Variants in FHIT observed in about 807,000 individuals in gnomAD.
The protein encoded by FHIT is fragile histidine triad diadenosine triphosphatase, also known as bis(5'-adenosyl)-triphosphatase.
Under a neutral mutation model 17.9 loss-of-function variants are expected in FHIT, and 19 were observed. The observed-to-expected ratio is 1.06, with a 90% CI of 0.74 to 1.56. The LOEUF (loss-of-function observed/expected upper bound fraction) is 1.56, where lower values mean the gene tolerates loss of function less well. Ranked by LOEUF, FHIT falls within the 40% of genes most tolerant of loss-of-function variation. The pLI is 0.00. For missense variants in FHIT, 248 were observed against 189.2 expected (o/e 1.31, Z -1.82); for synonymous variants, 81 against 69.7 (o/e 1.16, Z -0.81).
chr3:61,243,928 T>C (rs2040429125), intron 1 of FHIT: 1 of 152,210 alleles, frequency 6.6e-6, no homozygotes, highest in South Asian at 2.1e-4. Flanking sequence ...TGATGACGCT[T>C]TTCTTTCATT....
intron 2 of FHIT, among the ~76,000 whole-genome samples, chr3:61,178,297 G>A (rs1189158917): frequency 6.6e-6 from 1 of 151,954 alleles, no homozygotes; most frequent in Admixed American, 6.6e-5. Flanking sequence ...AGAGGTGGAA[G>A]GGAGGCTTAT....
chr3:61,168,160 T>A (rs753661), intron 2 of FHIT, among the ~76,000 whole-genome samples: 70,524 of 151,988 alleles, frequency 0.46, 17,192 homozygotes, highest in East Asian at 0.85. Context: ...CAGATTTCCA[T>A]ACCAATAAAT....
intron 5 of FHIT, among the ~76,000 whole-genome samples, chr3:60,117,803 GA>G (rs71089581): frequency 2.0e-5 from 3 of 150,848 alleles, no homozygotes; most frequent in African/African-American, 4.9e-5. Flanking sequence ...CAGTGAAAAG[GA>G]AAAAAAAATC....
intron 2 of FHIT, among the ~76,000 whole-genome samples, chr3:61,049,108 T>G (rs939708692): frequency 2.6e-5 from 4 of 151,860 alleles, no homozygotes; most frequent in Non-Finnish European, 5.9e-5. Flanking sequence ...ACATGTACCG[T>G]AGAACTTAAA....
At chr3:60,520,371 A>C (rs935589864) in intron 5 of FHIT, among the ~76,000 whole-genome samples, 4 of 152,156 alleles carry the variant, frequency 2.6e-5, no homozygotes, top group African/African-American at 9.7e-5. Flanking sequence ...TTTTCTCCAT[A>C]ACATTTCAGT....
At chr3:60,979,923 G>C (rs1183637005) in intron 3 of FHIT, among the ~76,000 whole-genome samples, 2 of 152,198 alleles carry the variant, frequency 1.3e-5, no homozygotes, top group Non-Finnish European at 2.9e-5. Flanking sequence ...TTGCCATGTT[G>C]TTGCTCCAAT....
At chr3:59,752,187 G>C (rs769837497) in intron 9 of FHIT, 34 bp downstream of exon 9, 7 of 1,476,908 alleles carry the variant, frequency 4.7e-6, no homozygotes, top group Non-Finnish European at 6.6e-6. Flanking sequence ...AGGCCCACGG[G>C]AGGGTCTGGG....
At chr3:59,911,857 C>G (rs182701630) in intron 8 of FHIT, among the ~76,000 whole-genome samples, 19 of 152,224 alleles carry the variant, frequency 1.2e-4, no homozygotes, top group Admixed American at 7.8e-4. Flanking sequence ...CCAGGTTCAG[C>G]TCAACAGTCA....
At chr3:60,288,518 C>T (rs573336901) in intron 5 of FHIT, among the ~76,000 whole-genome samples, 1 of 151,840 alleles carries the variant, frequency 6.6e-6, no homozygotes, top group South Asian at 2.1e-4. Flanking sequence ...GCACTTGCTC[C>T]ACGAATTGCA....
chr3:61,169,829 T>C (rs1177880465), intron 2 of FHIT, among the ~76,000 whole-genome samples: 2 of 152,158 alleles, frequency 1.3e-5, no homozygotes, highest in African/African-American at 2.4e-5. Context: ...CAAAGATAGA[T>C]AGTCAGGGAT....
chr3:60,121,838 C>T (rs79871978), intron 5 of FHIT, among the ~76,000 whole-genome samples: 4,413 of 152,110 alleles, frequency 0.029, 220 homozygotes, highest in African/African-American at 0.1. Flanking sequence ...AGTCATATCC[C>T]TTCTCCAAGC....
At chr3:60,000,530 G>A (rs1475003760) in intron 7 of FHIT, among the ~76,000 whole-genome samples, 1 of 152,068 alleles carries the variant, frequency 6.6e-6, no homozygotes, top group African/African-American at 2.4e-5. Flanking sequence ...ACCAAACAAG[G>A]TCTGCACCTG....
intron 5 of FHIT, among the ~76,000 whole-genome samples, chr3:60,446,861 A>AATG (rs1215654737): frequency 7.5e-5 from 3 of 40,266 alleles, no homozygotes; most frequent in African/African-American, 2.1e-4. Context: ...TCATTAAAAT[A>AATG]ATAATAATAA....
At chr3:61,152,481 A>T (rs549691742) in intron 2 of FHIT, among the ~76,000 whole-genome samples, 1 of 152,364 alleles carries the variant, frequency 6.6e-6, no homozygotes, top group African/African-American at 2.4e-5. Context: ...AAATATTAGC[A>T]AAAATAAGCT....
At chr3:60,265,160 G>A (rs1418436930) in intron 5 of FHIT, among the ~76,000 whole-genome samples, 1 of 151,870 alleles carries the variant, frequency 6.6e-6, no homozygotes, top group Non-Finnish European at 1.5e-5. Context: ...ATCTATTAAA[G>A]TTTGTTTTCT....
At chr3:60,371,643 C>T (rs1478840831) in intron 5 of FHIT, among the ~76,000 whole-genome samples, 1 of 152,080 alleles carries the variant, frequency 6.6e-6, no homozygotes, top group Non-Finnish European at 1.5e-5. Context: ...TCATTCTGCT[C>T]TATGATGTAA....
At chr3:60,242,793 C>T (rs1469637585) in intron 5 of FHIT, among the ~76,000 whole-genome samples, 1 of 152,012 alleles carries the variant, frequency 6.6e-6, no homozygotes, top group African/African-American at 2.4e-5. Context: ...TTAGACAGCA[C>T]TGCTTTCAGT....
chr3:59,945,500 C>T (rs926597016), intron 7 of FHIT, among the ~76,000 whole-genome samples: 4 of 149,666 alleles, frequency 2.7e-5, no homozygotes, highest in African/African-American at 9.8e-5. Context: ...GTTTCTTTTG[C>T]TATGCATAAG....
intron 5 of FHIT, among the ~76,000 whole-genome samples, chr3:60,177,288 G>A (rs1439777056): frequency 2.0e-5 from 3 of 149,062 alleles, no homozygotes; most frequent in South Asian, 4.2e-4. Flanking sequence ...AAAGCTAGAA[G>A]AAGTTGAACT....
Sources: allele counts gnomAD v4.1 joint callset (sites outside exome capture counted in the v4.1 genomes callset), GRCh38; gene constraint gnomAD v4.1.1; transcripts MANE v1.5; gene names NCBI Gene and HGNC (gene_info 2026-07-23, HGNC 2026-07-21).